LUZP2: variants seen among roughly 807,000 people sequenced by gnomAD.
LUZP2 encodes leucine zipper protein 2.
A neutral mutation model predicts 51.6 loss-of-function variants in LUZP2; 52 were observed. The observed-to-expected ratio is 1.01, with a 90% confidence interval of 0.81 to 1.27. The LOEUF (loss-of-function observed/expected upper bound fraction) is 1.27. Ranked by LOEUF, LUZP2 falls within the 50% of genes most tolerant of loss-of-function variation. The probability of loss-of-function intolerance (pLI) is 0.00; values close to 1 mark genes in which losing one functional copy is unlikely to be tolerated. For synonymous variants in LUZP2, 154 were observed against 137.3 expected, an observed-to-expected ratio of 1.12 and a Z score of -0.85; for missense variants, 436 against 395.4, an observed-to-expected ratio of 1.10 and a Z score of -0.87.
intron 1 of LUZP2, among the ~76,000 whole-genome samples, chr11:24,654,018 C>T (rs1179260305): frequency 6.6e-6 from 1 of 152,150 alleles, no homozygotes; most frequent in East Asian, 1.9e-4. Context: ...TGAATAAAGA[C>T]TTTTAAACAA....
intron 8 of LUZP2, 38 bp downstream of exon 8, chr11:24,976,703 TAGCAAAAA>T: frequency 1.1e-6 from 1 of 932,062 alleles, no homozygotes; most frequent in Non-Finnish European, 1.4e-6. Flanking sequence ...ACTGTAGTTT[TAGCAAAAA>T]AAAAAAAAAA....
chr11:24,954,695 C>T (rs1018649635), intron 7 of LUZP2, among the ~76,000 whole-genome samples: 1 of 152,040 alleles, frequency 6.6e-6, no homozygotes, highest in African/African-American at 2.4e-5. Flanking sequence ...ACTAACAGGA[C>T]CCTGCTCCAG....
intron 1 of LUZP2, among the ~76,000 whole-genome samples, chr11:24,711,501 T>C (rs1378227115): frequency 2.1e-5 from 3 of 142,416 alleles, no homozygotes; most frequent in Non-Finnish European, 4.6e-5. Context: ...AAAGATTTTC[T>C]TTTGTAGGTA....
At chr11:25,004,511 C>T (rs967936506) in intron 9 of LUZP2, among the ~76,000 whole-genome samples, 1 of 152,048 alleles carries the variant, frequency 6.6e-6, no homozygotes, top group African/African-American at 2.4e-5. Flanking sequence ...GGGCCCAGGG[C>T]TTGCTTTTGG....
At chr11:25,053,538 A>C (rs1310634080) in intron 10 of LUZP2, among the ~76,000 whole-genome samples, 2 of 115,720 alleles carry the variant, frequency 1.7e-5, no homozygotes, top group Non-Finnish European at 3.6e-5. Context: ...ATGATCCCAC[A>C]TGCCTTTTTT....
At chr11:24,923,109 A>G (rs1854122128) in intron 7 of LUZP2, among the ~76,000 whole-genome samples, 1 of 151,680 alleles carries the variant, frequency 6.6e-6, no homozygotes, top group African/African-American at 2.4e-5. Context: ...CGGCCTCCCA[A>G]AGTTCTGGGA....
intron 5 of LUZP2, among the ~76,000 whole-genome samples, chr11:24,788,912 G>C (rs1590529584): frequency 6.6e-6 from 1 of 152,100 alleles, no homozygotes; most frequent in Non-Finnish European, 1.5e-5. Context: ...TTACTTACAA[G>C]CCACCAATTC....
intron 10 of LUZP2, among the ~76,000 whole-genome samples, chr11:25,074,373 C>G (rs895408): frequency 6.6e-6 from 1 of 152,110 alleles, no homozygotes; most frequent in South Asian, 2.1e-4. Context: ...ATGCCTGTGA[C>G]GCACAGAAAG....
At chr11:24,516,279 T>C (rs1411133514) in intron 1 of LUZP2, among the ~76,000 whole-genome samples, 1 of 152,224 alleles carries the variant, frequency 6.6e-6, no homozygotes, top group Non-Finnish European at 1.5e-5. Context: ...GTATGGAATT[T>C]GGATAGGTCT....
At chr11:24,912,086 C>CTTCCTTTCGTTTCCTTTATT (rs1853652108) in intron 6 of LUZP2, among the ~76,000 whole-genome samples, 2 of 151,910 alleles carry the variant, frequency 1.3e-5, no homozygotes, top group African/African-American at 4.8e-5. Flanking sequence ...TTAACTTACC[C>CTTCCTTTCGTTTCCTTTATT]TTCCTTTCGT....
In LUZP2 at chr11:24,865,966, T is replaced by C. The variant is rs936009138; in HGVS notation, c.397-40025T>C. Among the ~76,000 whole-genome samples, 18 of 151,770 alleles carry C rather than the reference T, an allele frequency of 1.2e-4. No homozygotes were observed. In the East Asian group the frequency reaches 1.4e-3, roughly 11 times the overall value. On this transcript the variant is annotated intron_variant, in intron 5 of 11. Coordinates refer to ENST00000336930, the MANE Select transcript of LUZP2 (RefSeq NM_001009909.4). ...CTAGGACTACAGATGTGCACCACCA[T>C]GCCCAGCTAATTTTTGTATTTTTAG...
intron 9 of LUZP2, among the ~76,000 whole-genome samples, chr11:24,997,098 T>C: frequency 6.6e-6 from 1 of 150,430 alleles, no homozygotes; most frequent in Admixed American, 6.7e-5. Context: ...TGTGTCTTTA[T>C]AGCAGCATGA....
In LUZP2 at chr11:24,689,473, C is replaced by T. The variant is rs139991284; in HGVS notation, c.63-39696C>T. Among the ~76,000 whole-genome samples the T allele has an allele frequency of 4.2e-3, 643 of 152,270 alleles. 4 individuals carry two copies. Among genetic ancestry groups the T allele is most frequent in the Non-Finnish European group, 7.4e-3 (506 of 68,006 alleles). On this transcript the variant is annotated intron_variant, in intron 1 of 11. Coordinates refer to ENST00000336930, the MANE Select transcript of LUZP2 (RefSeq NM_001009909.4). ...CAGCTCCTGAGTGCTTATTGGGAAG[C>T]GGCTGATCGCCAGCTCCAGGTGCTT...
chr11:24,509,835 C>T lies in LUZP2; in HGVS notation c.62+12530C>T, dbSNP rs549281813. Among the ~76,000 whole-genome samples the T allele has an allele frequency of 2.0e-5, 3 of 152,058 alleles. No homozygotes were observed. In the East Asian group the frequency reaches 5.8e-4, roughly 29 times the overall value. ...GTTTCCTCTATGTCTACCTTTCTCT[C>T]GAAGGAGCATAGACTTGCAAATTTA... On this transcript the variant is annotated intron_variant, in intron 1 of 11. Transcript: ENST00000336930.
chr11:24,991,376 ATGTGTGTGTG>A (rs745691448), intron 9 of LUZP2, among the ~76,000 whole-genome samples: 133 of 126,212 alleles, frequency 1.1e-3, no homozygotes, highest in African/African-American at 3.4e-3. Flanking sequence ...GTGTATATAT[ATGTGTGTGTG>A]TGTGTGTGTG....
At chr11:24,945,486 A>AGGGTTG (rs942805001) in intron 7 of LUZP2, among the ~76,000 whole-genome samples, 1 of 150,844 alleles carries the variant, frequency 6.6e-6, no homozygotes, top group Non-Finnish European at 1.5e-5. Context: ...TATCAAAAGA[A>AGGGTTG]GGGTTGTCTG....
chr11:24,885,671 A>G (rs1852646992), intron 5 of LUZP2, among the ~76,000 whole-genome samples: 1 of 152,058 alleles, frequency 6.6e-6, no homozygotes, highest in Non-Finnish European at 1.5e-5. Flanking sequence ...TCATCATCTC[A>G]TGTTTCTCAT....
chr11:24,805,779 G>A (rs1380302164), intron 5 of LUZP2, among the ~76,000 whole-genome samples: 1 of 152,168 alleles, frequency 6.6e-6, no homozygotes, highest in Non-Finnish European at 1.5e-5. Context: ...TTGGGAAAAG[G>A]AATGCATGGC....
At chr11:24,678,015 C>T (rs1186090706) in intron 1 of LUZP2, among the ~76,000 whole-genome samples, 1 of 127,984 alleles carries the variant, frequency 7.8e-6, no homozygotes, top group African/African-American at 3.1e-5. Flanking sequence ...CCAGCCTGGG[C>T]GACAGAGCGA....
Sources: gnomAD v4.1 joint callset for allele counts (sites outside exome capture counted in the v4.1 genomes callset) on GRCh38, gnomAD v4.1.1 for gene constraint, MANE v1.5 for transcripts, NCBI Gene and HGNC (gene_info 2026-07-23, HGNC 2026-07-21) for gene names.